The following SHC3 variants were observed in gnomAD, a reference collection of about 807,000 sequenced individuals.
The protein encoded by SHC3 is SHC adaptor protein 3.
SHC3 carries 15 observed loss-of-function variants against 60.4 expected under a neutral mutation model. The ratio of observed to expected loss-of-function variants is 0.25; its 90% confidence interval spans 0.17 to 0.38. SHC3 has a LOEUF of 0.38. Among genes scored for constraint, SHC3 ranks in the 10% least tolerant of loss-of-function variants. The pLI is 1.00. For synonymous variants in SHC3, 294 were observed against 325.9 expected (o/e 0.90, Z 1.05); for missense variants, 677 against 786.1 (o/e 0.86, Z 1.66).
intron 2 of SHC3, among the ~76,000 whole-genome samples, chr9:89,099,349 C>T (rs929084762): frequency 6.6e-5 from 10 of 152,180 alleles, no homozygotes; most frequent in Non-Finnish European, 1.5e-4. Context: ...AAGTTATCCT[C>T]CAACTTCTTC....
chr9:89,070,771 G>C (rs940562736), intron 5 of SHC3, among the ~76,000 whole-genome samples: 1 of 152,108 alleles, frequency 6.6e-6, no homozygotes. Context: ...GAAAAATGCT[G>C]ATTTTAAATG....
chr9:89,133,910 TA>T (rs1284467537), intron 1 of SHC3, among the ~76,000 whole-genome samples: 1 of 152,060 alleles, frequency 6.6e-6, no homozygotes, highest in Non-Finnish European at 1.5e-5. Flanking sequence ...TAAAGTATAA[TA>T]AAAAAATTGT....
chr9:89,130,528 C>A (rs1055402186), intron 1 of SHC3, among the ~76,000 whole-genome samples: 2 of 152,174 alleles, frequency 1.3e-5, no homozygotes, highest in African/African-American at 2.4e-5. Flanking sequence ...AAGCACTCCT[C>A]GGCAAATGTA....
chr9:89,175,869 G>A (rs1041152641), intron 1 of SHC3, among the ~76,000 whole-genome samples: 3 of 152,134 alleles, frequency 2.0e-5, no homozygotes, highest in Non-Finnish European at 4.4e-5. Context: ...AAATAAGTTC[G>A]AGGTTTTAAA....
At chr9:89,046,494 C>T (rs1259449652) in intron 8 of SHC3, among the ~76,000 whole-genome samples, 3 of 152,212 alleles carry the variant, frequency 2.0e-5, no homozygotes, top group Admixed American at 6.5e-5. Flanking sequence ...ATATTCACTC[C>T]TTTTCAGAGA....
intron 11 of SHC3, among the ~76,000 whole-genome samples, chr9:89,034,507 AG>A (rs1371816125): frequency 6.6e-6 from 1 of 152,202 alleles, no homozygotes; most frequent in Non-Finnish European, 1.5e-5. Context: ...ATACCACGTA[AG>A]GGTGAGCCCT....
chr9:89,134,711 A>G (rs1208129550), intron 1 of SHC3, among the ~76,000 whole-genome samples: 1 of 152,102 alleles, frequency 6.6e-6, no homozygotes, highest in Non-Finnish European at 1.5e-5. Flanking sequence ...CAGCTATAGA[A>G]TTTGACAGGT....
chr9:89,045,279 CTTT>C (rs35967148), intron 9 of SHC3, among the ~76,000 whole-genome samples: 10 of 122,248 alleles, frequency 8.2e-5, no homozygotes, highest in African/African-American at 1.3e-4. Context: ...AACACTGTTG[CTTT>C]TTTTTTTTTT....
chr9:89,147,574 C>T lies in SHC3; in HGVS notation c.474+30413G>A, dbSNP rs576613770. 3.9e-5 allele frequency among the ~76,000 whole-genome samples: 6 copies of T among 152,156 alleles called. No individual in the cohort carries two copies. In the East Asian group the frequency reaches 1.2e-3, roughly 29 times the overall value. On this transcript the variant is annotated intron_variant, in intron 1 of 11. Coordinates refer to ENST00000375835, the MANE Select transcript of SHC3 (RefSeq NM_016848.6). ...ATGATCTGTATCAAATATCATGTGGCCAAGAAAGCCCTCCTCACTCCTCGA... is the reference window on the plus strand; with the variant it reads ...ATGATCTGTATCAAATATCATGTGGTCAAGAAAGCCCTCCTCACTCCTCGA...
At chr9:89,028,731 AT>A (rs1278034734) in intron 11 of SHC3, among the ~76,000 whole-genome samples, 1 of 144,746 alleles carries the variant, frequency 6.9e-6, no homozygotes, top group Non-Finnish European at 1.5e-5. Context: ...GAGAATATAT[AT>A]TCTCTATATA....
At chr9:89,167,873 C>T (rs1380902000) in intron 1 of SHC3, among the ~76,000 whole-genome samples, 2 of 152,208 alleles carry the variant, frequency 1.3e-5, no homozygotes, top group African/African-American at 4.8e-5. Flanking sequence ...GTGCCTCTGC[C>T]TCTGGCTGTG....
intron 11 of SHC3, chr9:89,037,295 T>C: frequency 1.8e-6 from 1 of 565,022 alleles, no homozygotes; most frequent in Non-Finnish European, 3.1e-6. Context: ...TAAATAACTC[T>C]ACCCTGCTTT....
intron 1 of SHC3, among the ~76,000 whole-genome samples, chr9:89,127,595 G>T (rs1036630500): frequency 6.6e-6 from 1 of 152,128 alleles, no homozygotes; most frequent in African/African-American, 2.4e-5. Context: ...TGACGTTTTT[G>T]ACTTTGGAGG....
chr9:89,022,341 C>T (rs1479558286), intron 11 of SHC3, among the ~76,000 whole-genome samples: 3 of 152,180 alleles, frequency 2.0e-5, no homozygotes, highest in African/African-American at 4.8e-5. Context: ...CCACTTCCTT[C>T]TTCAAAGCCT....
chr9:89,112,113 G>T (rs1417504200), intron 2 of SHC3, among the ~76,000 whole-genome samples: 1 of 152,174 alleles, frequency 6.6e-6, no homozygotes, highest in Non-Finnish European at 1.5e-5. Flanking sequence ...CTTGCTGAAT[G>T]ACCTACTCCC....
intron 1 of SHC3, among the ~76,000 whole-genome samples, chr9:89,117,432 T>C (rs1826034200): frequency 6.6e-6 from 1 of 152,252 alleles, no homozygotes; most frequent in African/African-American, 2.4e-5. Context: ...GCCATTTGCA[T>C]TTCTTTTTCT....
At position 89,178,174 on chromosome 9, in the gene SHC3, A is replaced by G; in HGVS notation, c.287T>C (p.Leu96Pro). ...SAARERAGAR[L>P]SGSCSAPSLA... is the part of the protein sequence containing the mutation. ...GCTGGGCGCGCTGCAGCTGCCCGAG[A>G]GCCGCGCGCCCGCCCGCTCCCGGGC... The change falls in exon 1 of 12, where the codon CTC (leucine) becomes CCC (proline). Residue 96 changes from leucine (L) to proline (P), a missense_variant. Physicochemically the swap from Leu to Pro is moderately conservative, Grantham distance 98. Coordinates refer to ENST00000375835, the MANE Select transcript of SHC3 (RefSeq NM_016848.6). This position sits in a 1 kb window ranked among gnomAD's most constrained non-coding sequence, Gnocchi z 6.9. The G allele has an allele frequency of 1.5e-6, 2 of 1,305,506 alleles. No individual in the cohort carries two copies. The highest frequency in any genetic ancestry group is 9.7e-7 in the Non-Finnish European group (1 of 1,028,824). The allele number at this position is 1,305,506 out of a possible 1,614,324, so 80.9% of individuals were successfully genotyped here.
In SHC3 at chr9:89,029,596, C is replaced by A. The variant is rs186270457; in HGVS notation, c.1656+8397G>T. 7.4e-4 allele frequency among the ~76,000 whole-genome samples: 113 copies of A among 152,164 alleles called. 1 individual carries two copies. The highest frequency in any genetic ancestry group is 2.7e-3 in the African/African-American group (112 of 41,530). On this transcript the variant is annotated intron_variant, in intron 11 of 11. Transcript: ENST00000375835. ...AAGAGGAAGATATAGGATACAAGTC[C>A]AAGAGTCCAATGAAAATATGTCCCT...
intron 11 of SHC3, among the ~76,000 whole-genome samples, chr9:89,035,857 GTGTGTGTGT>G (rs1285677038): frequency 9.9e-5 from 11 of 110,794 alleles, no homozygotes; most frequent in African/African-American, 3.6e-4. Context: ...ATAGATGTGT[GTGTGTGTGT>G]GTGTGTGTGT....
Sources: allele counts gnomAD v4.1 joint callset (sites outside exome capture counted in the v4.1 genomes callset), GRCh38; gene constraint gnomAD v4.1.1; non-coding constraint Gnocchi (gnomAD v3.1); transcripts MANE v1.5; gene names NCBI Gene and HGNC (gene_info 2026-07-23, HGNC 2026-07-21).